USP42: variants seen among roughly 807,000 people sequenced by gnomAD.
USP42 encodes the protein ubiquitin specific peptidase 42.
A neutral mutation model predicts 113.0 loss-of-function variants in USP42; 23 were observed. The ratio of observed to expected loss-of-function variants is 0.20; its 90% confidence interval spans 0.15 to 0.29. The LOEUF is 0.29. Ranked by LOEUF, USP42 falls within the 10% of genes least tolerant of loss-of-function variation. The pLI is 1.00. For missense variants in USP42, 2,174 were observed against 1,779.8 expected, an observed-to-expected ratio of 1.22 and a Z score of -3.99; for synonymous variants, 933 against 699.0, an observed-to-expected ratio of 1.33 and a Z score of -5.28.
chr7:6,156,891 G>A lies in USP42; in HGVS notation c.3779G>A (p.Arg1260Lys), dbSNP rs374151941. ...AAAGATTCAGAACTGCACTTACCCA[G>A]GGTCACCAGCTTGGAGACTGTCGCC... The part of the protein sequence containing the change: ...FVKDSELHLP[R>K]VTSLETVAQF... The change falls in exon 16 of 18, where the codon AGG (arginine) becomes AAG (lysine). Residue 1260 changes from arginine to lysine, a missense_variant. Arg to Lys is a conservative substitution (Grantham distance 26, BLOSUM62 2). Transcript: ENST00000306177. The A allele has an allele frequency of 1.2e-5, 20 of 1,613,568 alleles. 1 individual carries two copies. In the African/African-American group the frequency reaches 2.5e-4, roughly 20 times the overall value.
the USP42 span, chr7:6,081,397 C>A: frequency 1.3e-5 from 2 of 152,402 alleles, no homozygotes; most frequent in African/African-American, 4.8e-5. Context: ...GCAGCCACAG[C>A]CCCGGCCCCG....
chr7:6,135,993 C>G (rs1425387937), intron 4 of USP42, 42 bp downstream of exon 4: 1 of 1,062,772 alleles, frequency 9.4e-7, no homozygotes, highest in Non-Finnish European at 1.3e-6. Context: ...TATTTATTAC[C>G]TAGTTATACT....
At chr7:6,111,634 G>A (rs1384593465) in intron 2 of USP42, among the ~76,000 whole-genome samples, 6 of 146,100 alleles carry the variant, frequency 4.1e-5, no homozygotes, top group South Asian at 4.3e-4. Context: ...ACGGAGTCTC[G>A]CTCTGTCACC....
intron 3 of USP42, among the ~76,000 whole-genome samples, chr7:6,134,257 A>G (rs764729755): frequency 6.6e-6 from 1 of 151,930 alleles, no homozygotes; most frequent in African/African-American, 2.4e-5. Context: ...TATTTGTAAT[A>G]TCCTTTTTAA....
At chr7:6,100,151 C>A (rs1790075876), upstream of USP42, among the ~76,000 whole-genome samples, 1 of 149,166 alleles carries the variant, frequency 6.7e-6, no homozygotes. Context: ...CCGCACCTGG[C>A]CCAATTTCAC....
At chr7:6,137,654 G>C (rs1781219724) in intron 4 of USP42, among the ~76,000 whole-genome samples, 1 of 151,910 alleles carries the variant, frequency 6.6e-6, no homozygotes, top group Non-Finnish European at 1.5e-5. Flanking sequence ...CACCATGCCT[G>C]GCTATTTATA....
At chr7:6,081,627 G>C in the USP42 span, 1 of 152,296 alleles carries the variant, frequency 6.6e-6, no homozygotes, top group African/African-American at 2.4e-5. Context: ...AGGAGGGGCG[G>C]CTACCACGCG....
At chr7:6,148,922 C>T (rs768363574) in intron 12 of USP42, among the ~76,000 whole-genome samples, 5 of 152,184 alleles carry the variant, frequency 3.3e-5, no homozygotes, top group Non-Finnish European at 7.3e-5. Context: ...ATTGCTTTTC[C>T]AAAGCCTGTT....
the USP42 span, among the ~76,000 whole-genome samples, chr7:6,086,331 G>C: frequency 8.0e-5 from 12 of 149,650 alleles, no homozygotes; most frequent in African/African-American, 3.0e-4. Context: ...TCAGCCTCCA[G>C]AGTAGCTGGG....
At chr7:6,114,146 A>G (rs1779750384) in intron 2 of USP42, among the ~76,000 whole-genome samples, 1 of 152,166 alleles carries the variant, frequency 6.6e-6, no homozygotes, top group Admixed American at 6.6e-5. Context: ...GCCTGAGTTC[A>G]AAACCTGCTT....
chr7:6,097,902 CTTTTCTTT>C, the USP42 span, among the ~76,000 whole-genome samples: 4 of 76,250 alleles, frequency 5.2e-5, no homozygotes, highest in African/African-American at 3.0e-4. Flanking sequence ...CTTTTTCTTT[CTTTTCTTT>C]TTTTTTTTTT....
the USP42 span, among the ~76,000 whole-genome samples, chr7:6,081,454 C>G: frequency 2.6e-5 from 4 of 152,176 alleles, no homozygotes; most frequent in East Asian, 7.7e-4. Context: ...GTCCGCCGGA[C>G]AGCCAATCGC....
intron 8 of USP42, among the ~76,000 whole-genome samples, 198 bp from the exon 9 acceptor site, chr7:6,143,887 C>A (rs988062711): frequency 2.6e-5 from 4 of 152,122 alleles, no homozygotes; most frequent in African/African-American, 9.7e-5. Flanking sequence ...CCTTTCCTTT[C>A]ATGCTAATTA....
chr7:6,117,388 A>T (rs1409138027), intron 3 of USP42, among the ~76,000 whole-genome samples: 2 of 152,120 alleles, frequency 1.3e-5, no homozygotes, highest in Non-Finnish European at 2.9e-5. Flanking sequence ...ACTTGATCGT[A>T]TTGTTGAGTA....
At chr7:6,121,665 T>C (rs1780232963) in intron 3 of USP42, among the ~76,000 whole-genome samples, 1 of 152,142 alleles carries the variant, frequency 6.6e-6, no homozygotes, top group Non-Finnish European at 1.5e-5. Context: ...ATTCTTCTTT[T>C]CTTTGTTTTG....
At chr7:6,099,762 A>G in the USP42 span, among the ~76,000 whole-genome samples, 1 of 150,774 alleles carries the variant, frequency 6.6e-6, no homozygotes, top group African/African-American at 2.5e-5. Context: ...CAGGATTTCA[A>G]GAGCAGCCTT....
Position 6,157,130 on chromosome 7 carries a change from T to C in USP42, c.3943+75T>C. 2 of 1,455,722 alleles carry C rather than the reference T, an allele frequency of 1.4e-6. No homozygotes were observed. The highest frequency in any genetic ancestry group is 1.5e-5 in the South Asian group (1 of 67,796). 90.2% of individuals were successfully genotyped at this position (1,455,722 alleles called of 1,614,324 possible). ...ATTTTCTTTGCAAAGGTGATTAACA[T>C]GTAGAAAGAAAACCTCAGGTGGCAT... is the stretch of plus-strand genomic sequence containing the variant. On this transcript the variant is annotated intron_variant, in intron 16 of 17. Transcript: ENST00000306177. The surrounding 1 kb of genome is among the most constrained non-coding windows in gnomAD (Gnocchi z 4.1).
chr7:6,095,976 G>A, the USP42 span, among the ~76,000 whole-genome samples: 6 of 150,128 alleles, frequency 4.0e-5, no homozygotes, highest in East Asian at 5.8e-4. Context: ...TGCTCAGGTT[G>A]GTCTCGAATT....
intron 8 of USP42, among the ~76,000 whole-genome samples, chr7:6,143,465 A>C (rs1347180166): frequency 6.6e-6 from 1 of 151,272 alleles, no homozygotes; most frequent in East Asian, 1.9e-4. Flanking sequence ...TTGCTGAAAA[A>C]CTCTAATTTT....
Sources: allele counts gnomAD v4.1 joint callset (sites outside exome capture counted in the v4.1 genomes callset), GRCh38; gene constraint gnomAD v4.1.1; non-coding constraint Gnocchi (gnomAD v3.1); transcripts MANE v1.5; gene names NCBI Gene and HGNC (gene_info 2026-07-23, HGNC 2026-07-21).